EPB41L4A: variants seen among roughly 807,000 people sequenced by gnomAD.
EPB41L4A encodes erythrocyte membrane protein band 4.1 like 4A.
Under a neutral mutation model 108.6 loss-of-function variants are expected in EPB41L4A, and 100 were observed. The observed-to-expected ratio is 0.92, with a 90% confidence interval of 0.78 to 1.09. EPB41L4A has a LOEUF of 1.09. Among genes scored for constraint, EPB41L4A ranks in the 50% least tolerant of loss-of-function variants. The pLI, the probability that EPB41L4A is intolerant of heterozygous loss-of-function variation, is 0.00. For synonymous variants in EPB41L4A, 319 were observed against 289.0 expected, an observed-to-expected ratio of 1.10 and a Z score of -1.05; for missense variants, 1,030 against 842.7, an observed-to-expected ratio of 1.22 and a Z score of -2.75.
chr5:112,340,861 A>G (rs1757271750), intron 1 of EPB41L4A, among the ~76,000 whole-genome samples: 2 of 152,216 alleles, frequency 1.3e-5, no homozygotes, highest in Admixed American at 6.5e-5. Context: ...AAACATAAAT[A>G]TATTTCATAC....
upstream of EPB41L4A, chr5:112,419,530 G>C: frequency 2.4e-6 from 1 of 419,116 alleles, no homozygotes; most frequent in Admixed American, 2.6e-5. Flanking sequence ...TCGGCCTGCG[G>C]AGTCCCCCGC....
rs549351342 is a variant in EPB41L4A at position 112,167,824 on chromosome 5, C to T, written c.1932+915G>A. ...GAACCTAACCTAAATTAGCACAGGC[C>T]TTGCTCCAGTCATTGATAAAAACAA... On this transcript the variant is annotated intron_variant, in intron 22 of 22. Transcript: ENST00000261486. 3.3e-5 allele frequency among the ~76,000 whole-genome samples: 5 copies of T among 152,264 alleles called. No homozygotes were observed. The East Asian group carries it at 7.7e-4, about 24-fold the overall frequency.
chr5:112,223,188 C>G (rs747247624), intron 12 of EPB41L4A, among the ~76,000 whole-genome samples: 2 of 152,106 alleles, frequency 1.3e-5, no homozygotes, highest in Non-Finnish European at 2.9e-5. Context: ...GATCTGCCCG[C>G]CTTGGCCTCC....
chr5:112,381,083 G>A (rs777999345), intron 1 of EPB41L4A, among the ~76,000 whole-genome samples: 9 of 152,070 alleles, frequency 5.9e-5, no homozygotes, highest in East Asian at 3.9e-4. Flanking sequence ...AGCGTGAGGC[G>A]GCTATGATAT....
At chr5:112,181,070 TG>T (rs1761121612) in intron 18 of EPB41L4A, among the ~76,000 whole-genome samples, 1 of 152,104 alleles carries the variant, frequency 6.6e-6, no homozygotes, top group Non-Finnish European at 1.5e-5. Flanking sequence ...TAACAAGAAC[TG>T]GGGCAGAACA....
intron 9 of EPB41L4A, among the ~76,000 whole-genome samples, chr5:112,248,295 T>A (rs1483850691): frequency 6.6e-6 from 1 of 152,192 alleles, no homozygotes; most frequent in Non-Finnish European, 1.5e-5. Context: ...ACCAAACCTC[T>A]TCCAGATAAA....
intron 4 of EPB41L4A, 91 bp downstream of exon 4, chr5:112,275,235 C>T: frequency 7.0e-7 from 1 of 1,426,900 alleles, no homozygotes; most frequent in Non-Finnish European, 9.3e-7. Flanking sequence ...GACACACATC[C>T]AAACGTTTAG....
At chr5:112,147,192 C>G (rs1025004614) in intron 12 of EPB41L4A, among the ~76,000 whole-genome samples, 7 of 152,154 alleles carry the variant, frequency 4.6e-5, no homozygotes, top group Admixed American at 3.3e-4. Context: ...GCAGTCTATT[C>G]AGTATCTCTG....
rs186339868 is a variant in EPB41L4A at position 112,258,248 on chromosome 5, C to A, written c.795+981G>T. Among the ~76,000 whole-genome samples, 3 of 152,326 alleles carry A rather than the reference C, an allele frequency of 2.0e-5. No individual in the cohort carries two copies. In the East Asian group the frequency reaches 5.8e-4, roughly 29 times the overall value. ...TGTCTCAGTGCATCAGCTCATTGAT[C>A]ATTCAACAGATACTTATGAAGTACC... On this transcript the variant is annotated intron_variant, in intron 9 of 22. Transcript: ENST00000261486.
At chr5:112,385,275 AAC>A (rs1760436413) in intron 1 of EPB41L4A, among the ~76,000 whole-genome samples, 1 of 152,232 alleles carries the variant, frequency 6.6e-6, no homozygotes, top group African/African-American at 2.4e-5. Flanking sequence ...CCCGGAAAGA[AAC>A]ACATAGATTC....
chr5:112,243,650 T>G (rs934848400), intron 9 of EPB41L4A, among the ~76,000 whole-genome samples: 1 of 152,230 alleles, frequency 6.6e-6, no homozygotes, highest in African/African-American at 2.4e-5. Flanking sequence ...TCTGGATTAC[T>G]TGCTGCAGCT....
At chr5:112,209,244 T>C (rs1002865996) in intron 13 of EPB41L4A, among the ~76,000 whole-genome samples, 1 of 152,244 alleles carries the variant, frequency 6.6e-6, no homozygotes, top group Non-Finnish European at 1.5e-5. Flanking sequence ...AAGCTGCTCA[T>C]TGTTGTTTAT....
At chr5:112,339,690 T>C (rs993278723) in intron 1 of EPB41L4A, among the ~76,000 whole-genome samples, 2 of 151,612 alleles carry the variant, frequency 1.3e-5, no homozygotes, top group African/African-American at 4.8e-5. Flanking sequence ...CACGTCACCA[T>C]GCCCAGTTAA....
At chr5:112,196,173 A>G (rs1761957728) in intron 15 of EPB41L4A, among the ~76,000 whole-genome samples, 1 of 152,080 alleles carries the variant, frequency 6.6e-6, no homozygotes, top group Non-Finnish European at 1.5e-5. Flanking sequence ...CTCTCTTACC[A>G]CAATCTCCTC....
intron 1 of EPB41L4A, among the ~76,000 whole-genome samples, chr5:112,348,897 T>C (rs527511499): frequency 4.9e-4 from 74 of 151,424 alleles, no homozygotes; most frequent in South Asian, 8.4e-4. Flanking sequence ...TGCTGAGGAG[T>C]TTCAAATGAA....
rs1399845065 is a variant in EPB41L4A at position 112,259,257 on chromosome 5, T to C, written c.767A>G (p.Gln256Arg). Residue 256 changes from glutamine (Q) to arginine (R), a missense_variant, in exon 9 of 23, where the codon CAA becomes CGA. Transcript: ENST00000261486. Reference sequence around the variant, plus strand: ...TTTTCCCAGTACTCTGAGTTCAAATTGAGTCTCCTTGAAGTGAACCTTTGT... The same window carrying C: ...TTTTCCCAGTACTCTGAGTTCAAATCGAGTCTCCTTGAAGTGAACCTTTGT... The part of the protein sequence containing the change: ...RITKVHFKET[Q>R]FELRVLGKDC... 6.2e-7 allele frequency: 1 copy of C among 1,613,882 alleles called. No homozygotes were observed. Among genetic ancestry groups the C allele is most frequent in the Non-Finnish European group, 8.5e-7 (1 of 1,179,784 alleles).
chr5:112,419,122 A>C lies in EPB41L4A; in HGVS notation c.-83T>G. ...CCCCTCCACTCAAGCGCGATGCATT[A>C]ATTTATTGTCCGCGCCGTGGCGAGG... On this transcript the variant is annotated 5_prime_UTR_variant, in exon 1 of 23. In the 5' UTR this introduces an upstream ATG that the reference lacks. Coordinates refer to ENST00000261486, the MANE Select transcript of EPB41L4A (RefSeq NM_022140.5). The C allele has an allele frequency of 1.9e-6, 2 of 1,049,014 alleles. No individual in the cohort carries two copies. The highest frequency in any genetic ancestry group is 5.1e-5 in the East Asian group (2 of 39,106). The allele number at this position is 1,049,014 out of a possible 1,614,324, so 65.0% of individuals were successfully genotyped here. A position where few individuals can be genotyped will look rare whatever the true frequency, so the allele number is the denominator to read the frequency against.
intron 14 of EPB41L4A, 80 bp downstream of exon 14, chr5:112,205,341 C>A: frequency 8.3e-7 from 1 of 1,206,364 alleles, no homozygotes; most frequent in Admixed American, 1.7e-5. Context: ...CACCCAGCAG[C>A]TGGATTCCTT....
intron 10 of EPB41L4A, 127 bp downstream of exon 10, chr5:112,240,592 T>C (rs549625719): frequency 8.5e-6 from 5 of 584,906 alleles, no homozygotes; most frequent in African/African-American, 3.9e-5. Context: ...TCCAGAGAAT[T>C]AGGAATTGAG....
Sources: gnomAD v4.1 joint callset for allele counts (sites outside exome capture counted in the v4.1 genomes callset) on GRCh38, gnomAD v4.1.1 for gene constraint, MANE v1.5 for transcripts, NCBI Gene and HGNC (gene_info 2026-07-23, HGNC 2026-07-21) for gene names.